Variants in C3orf20 observed in about 807,000 individuals in gnomAD.
C3orf20 encodes the protein uncharacterized protein C3orf20.
A neutral mutation model predicts 88.3 loss-of-function variants in C3orf20; 76 were observed. The observed-to-expected ratio is 0.86, with a 90% confidence interval of 0.72 to 1.04. The LOEUF is 1.04. C3orf20 is among the 50% of genes least tolerant of loss of function. The probability of loss-of-function intolerance (pLI) is 0.00; values close to 1 mark genes in which losing one functional copy is unlikely to be tolerated. For missense variants in C3orf20, 1,056 were observed against 1,123.3 expected (o/e 0.94, Z 0.86); for synonymous variants, 436 against 437.4 (o/e 1.00, Z 0.04).
chr3:14,692,959 C>A (rs1449947649), intron 5 of C3orf20, among the ~76,000 whole-genome samples: 1 of 152,150 alleles, frequency 6.6e-6, no homozygotes, highest in Non-Finnish European at 1.5e-5. Flanking sequence ...GTTTTCCCAG[C>A]ACCATTTATT....
chr3:14,688,176 G>A (rs904246843), intron 4 of C3orf20, among the ~76,000 whole-genome samples: 16 of 152,116 alleles, frequency 1.1e-4, no homozygotes, highest in African/African-American at 3.9e-4. Flanking sequence ...TGTTTTTCGG[G>A]ACCGTCCTCT....
At chr3:14,696,426 C>G (rs973153770) in intron 5 of C3orf20, among the ~76,000 whole-genome samples, 5 of 150,482 alleles carry the variant, frequency 3.3e-5, no homozygotes, top group Non-Finnish European at 7.4e-5. Flanking sequence ...GAGTCACGCT[C>G]TGTCACTCAG....
chr3:14,732,884 A>ACC, intron 12 of C3orf20, among the ~76,000 whole-genome samples: 1 of 152,238 alleles, frequency 6.6e-6, no homozygotes, highest in African/African-American at 2.4e-5. Flanking sequence ...TATAAGGTAT[A>ACC]GTGTATGAAT....
intron 12 of C3orf20, among the ~76,000 whole-genome samples, chr3:14,730,751 T>G (rs2034518796): frequency 6.6e-6 from 1 of 152,182 alleles, no homozygotes; most frequent in Admixed American, 6.5e-5. Context: ...CGTTTTACGT[T>G]CTGCTCCCAC....
At chr3:14,719,919 C>T (rs989206928) in intron 9 of C3orf20, among the ~76,000 whole-genome samples, 9 of 152,210 alleles carry the variant, frequency 5.9e-5, no homozygotes, top group Non-Finnish European at 1.2e-4. Flanking sequence ...TTGACCCTTG[C>T]TCAACTGCAG....
chr3:14,760,160 T>A (rs1017708338), intron 14 of C3orf20, among the ~76,000 whole-genome samples, 162 bp downstream of exon 14: 10 of 152,186 alleles, frequency 6.6e-5, no homozygotes, highest in African/African-American at 2.4e-4. Context: ...GCAGGAAGAC[T>A]GACCAAGAGT....
In C3orf20 at chr3:14,740,654, T is replaced by G. The variant is rs555890211; in HGVS notation, c.1940+11966T>G. Among the ~76,000 whole-genome samples the G allele has an allele frequency of 1.8e-4, 28 of 152,330 alleles. No homozygotes were observed. The South Asian group carries it at 3.5e-3, about 19-fold the overall frequency. ...AAGTGGAGCACAATAACATGAAGTA[T>G]GTCTGTATTTCTTGTTCTCTGTTCT... On this transcript the variant is annotated intron_variant, in intron 12 of 16. Coordinates refer to ENST00000253697, the MANE Select transcript of C3orf20 (RefSeq NM_032137.5).
At chr3:14,681,062 A>G (rs1464177978) in intron 1 of C3orf20, among the ~76,000 whole-genome samples, 1 of 152,252 alleles carries the variant, frequency 6.6e-6, no homozygotes, top group Non-Finnish European at 1.5e-5. Context: ...AGATTTTGTT[A>G]TTGATAGATG....
chr3:14,717,484 C>G (rs536796308), intron 9 of C3orf20, among the ~76,000 whole-genome samples: 1 of 152,154 alleles, frequency 6.6e-6, no homozygotes, highest in South Asian at 2.1e-4. Flanking sequence ...GAAGCTGGGA[C>G]TAAATGTGGC....
intron 7 of C3orf20, among the ~76,000 whole-genome samples, chr3:14,709,803 T>C (rs575958927): frequency 8.5e-5 from 13 of 152,342 alleles, no homozygotes; most frequent in Admixed American, 7.8e-4. Context: ...TTTATGTTTA[T>C]AGTCATAAGG....
At position 14,694,461 on chromosome 3, in the gene C3orf20, C is replaced by A. The variant is rs867886326; in HGVS notation, c.745+4345C>A. Among the ~76,000 whole-genome samples the A allele has an allele frequency of 1.4e-4, 22 of 152,110 alleles. No individual in the cohort carries two copies. In the South Asian group the frequency reaches 1.5e-3, roughly 10 times the overall value. ...ATTTATCCATTTCTTCTAGATTTCC[C>A]AATTTATTGACATATAGTTGCTCAT... On this transcript the variant is annotated intron_variant, in intron 5 of 16. Transcript: ENST00000253697.
At chr3:14,705,433 T>C (rs2033458812) in intron 7 of C3orf20, among the ~76,000 whole-genome samples, 1 of 152,242 alleles carries the variant, frequency 6.6e-6, no homozygotes. Context: ...CTCACAGATG[T>C]GTATCGAGTA....
At chr3:14,737,727 A>T (rs2034764226) in intron 12 of C3orf20, among the ~76,000 whole-genome samples, 1 of 152,246 alleles carries the variant, frequency 6.6e-6, no homozygotes, top group African/African-American at 2.4e-5. Flanking sequence ...CTTTCACAAA[A>T]GATTTCTCTG....
chr3:14,684,354 T>C lies in C3orf20; in HGVS notation c.597T>C (p.Ser199=). ...GCCTGATCAGCACAGCCGGGAGAAGTGGCTACAGCAGCGGACAGTTGTGGA... is the reference window on the plus strand; with the variant it reads ...GCCTGATCAGCACAGCCGGGAGAAGCGGCTACAGCAGCGGACAGTTGTGGA... ...FNCLISTAGR[S]GYSSGQLWKE... Residue 199 remains serine, a synonymous_variant, in exon 4 of 17, where the codon AGT becomes AGC. Coordinates refer to ENST00000253697, the MANE Select transcript of C3orf20 (RefSeq NM_032137.5). 6.2e-7 allele frequency: 1 copy of C among 1,613,952 alleles called. No individual in the cohort carries two copies. Among genetic ancestry groups the C allele is most frequent in the Non-Finnish European group, 8.5e-7 (1 of 1,179,970 alleles).
At position 14,715,144 on chromosome 3, in the gene C3orf20, G is replaced by A; in HGVS notation, c.1314-145G>A. 3 of 977,146 alleles carry A rather than the reference G, an allele frequency of 3.1e-6. No homozygotes were observed. In the South Asian group the frequency reaches 6.2e-5, roughly 20 times the overall value. 60.5% of individuals were successfully genotyped at this position (977,146 alleles called of 1,614,324 possible). On this transcript the variant is annotated intron_variant, in intron 8 of 16. Coordinates refer to ENST00000253697, the MANE Select transcript of C3orf20 (RefSeq NM_032137.5). ...GTTAAGGGGCCTCAGACCATAGCAA[G>A]TGGGGAAAGTAAGGTTGACTGCAGG... is the stretch of plus-strand genomic sequence containing the variant.
chr3:14,767,932 G>A (rs1477981817), intron 15 of C3orf20, among the ~76,000 whole-genome samples: 1 of 152,198 alleles, frequency 6.6e-6, no homozygotes, highest in Non-Finnish European at 1.5e-5. Context: ...GACAAAGCAC[G>A]GTATAAACCG....
At chr3:14,678,733 C>T (rs904977320) in intron 1 of C3orf20, among the ~76,000 whole-genome samples, 5 of 152,148 alleles carry the variant, frequency 3.3e-5, no homozygotes, top group African/African-American at 9.7e-5. Flanking sequence ...GATATTTTTC[C>T]GTTTCTGGCA....
At chr3:14,765,260 G>A (rs1460326973) in intron 15 of C3orf20, 2 of 152,302 alleles carry the variant, frequency 1.3e-5, no homozygotes, top group East Asian at 3.8e-4. Context: ...CCTTGAGGGA[G>A]AAGAGATGGC....
At chr3:14,737,796 A>G (rs1240436738) in intron 12 of C3orf20, among the ~76,000 whole-genome samples, 1 of 152,256 alleles carries the variant, frequency 6.6e-6, no homozygotes, top group Non-Finnish European at 1.5e-5. Flanking sequence ...AATTGGAGTC[A>G]GTCCTCTCAA....
Sources: gnomAD v4.1 joint callset for allele counts (sites outside exome capture counted in the v4.1 genomes callset) on GRCh38, gnomAD v4.1.1 for gene constraint, MANE v1.5 for transcripts, NCBI Gene and HGNC (gene_info 2026-07-23, HGNC 2026-07-21) for gene names.